KCNN2: variants seen among roughly 807,000 people sequenced by gnomAD.
KCNN2 encodes small conductance calcium-activated potassium channel protein 2.
In KCNN2, 24 loss-of-function variants were observed where a neutral mutation model predicts 55.5. That is an observed-to-expected ratio of 0.43 (90% CI 0.31 to 0.61). KCNN2 has a LOEUF of 0.61. Ranked by LOEUF, KCNN2 falls within the 20% of genes least tolerant of loss-of-function variation. The pLI is 0.08. For synonymous variants in KCNN2, 431 were observed against 336.1 expected, an observed-to-expected ratio of 1.28 and a Z score of -3.09; for missense variants, 754 against 853.6, an observed-to-expected ratio of 0.88 and a Z score of 1.45.
rs899487184 is a variant in KCNN2, at chr5:114,339,657, G to C, written c.-184-21288G>C. 3.9e-5 allele frequency among the ~76,000 whole-genome samples: 6 copies of C among 152,048 alleles called. No homozygotes were observed. The East Asian group carries it at 9.7e-4, about 25-fold the overall frequency. On this transcript the variant is annotated intron_variant, in intron 2 of 10. Transcript: ENST00000512097. ...ATCTCTACAAAAAATACAAAAATTA[G>C]CCAGGCATGGTGGTGTATGCCTATA...
chr5:114,394,400 G>A (rs191758174), intron 2 of KCNN2, among the ~76,000 whole-genome samples: 361 of 152,258 alleles, frequency 2.4e-3, no homozygotes, highest in Non-Finnish European at 3.3e-3. Context: ...TGTGATAGGT[G>A]TTGTGAACGT....
At chr5:114,281,286 T>G (rs1268732051) in intron 2 of KCNN2, among the ~76,000 whole-genome samples, 3 of 152,176 alleles carry the variant, frequency 2.0e-5, no homozygotes, top group African/African-American at 7.2e-5. Flanking sequence ...TGTCAGCATC[T>G]AAAACATGGG....
At chr5:114,218,029 A>G (rs1754042283) in intron 1 of KCNN2, among the ~76,000 whole-genome samples, 1 of 152,238 alleles carries the variant, frequency 6.6e-6, no homozygotes, top group Non-Finnish European at 1.5e-5. Flanking sequence ...AATGCAAATT[A>G]AAGCAACAAT....
At chr5:114,249,391 C>A in intron 2 of KCNN2, among the ~76,000 whole-genome samples, 1 of 151,316 alleles carries the variant, frequency 6.6e-6, no homozygotes, top group Non-Finnish European at 1.5e-5. Flanking sequence ...GGGTTCAAGC[C>A]ATCTCCTGCC....
At chr5:114,269,440 C>A (rs924204934) in intron 2 of KCNN2, among the ~76,000 whole-genome samples, 1 of 151,536 alleles carries the variant, frequency 6.6e-6, no homozygotes, top group Non-Finnish European at 1.5e-5. Context: ...GTTCTTAGCT[C>A]AAACTCTACT....
At chr5:114,472,724 C>G (rs1249052448) in intron 4 of KCNN2, among the ~76,000 whole-genome samples, 1 of 152,076 alleles carries the variant, frequency 6.6e-6, no homozygotes. Flanking sequence ...TTATTTGTTC[C>G]TATTATAATT....
At chr5:114,306,132 A>G (rs1162103148) in intron 2 of KCNN2, among the ~76,000 whole-genome samples, 1 of 152,206 alleles carries the variant, frequency 6.6e-6, no homozygotes. Flanking sequence ...TTGAACTGGT[A>G]TCTTTACTGC....
intron 2 of KCNN2, among the ~76,000 whole-genome samples, chr5:114,394,884 T>G (rs930535396): frequency 1.3e-5 from 2 of 152,208 alleles, no homozygotes; most frequent in East Asian, 3.9e-4. Context: ...GATTAACTTA[T>G]GTTTTAAAAT....
chr5:114,310,750 T>C (rs1756377597), intron 2 of KCNN2, among the ~76,000 whole-genome samples: 1 of 152,122 alleles, frequency 6.6e-6, no homozygotes, highest in Non-Finnish European at 1.5e-5. Flanking sequence ...AATTGCACTT[T>C]CCTGTGTATT....
Position 114,147,964 on chromosome 5 carries a change from G to C in KCNN2, c.-270-73516G>C, listed in dbSNP as rs150083837. Among the ~76,000 whole-genome samples, 23 of 152,192 alleles carry C rather than the reference G, an allele frequency of 1.5e-4. No homozygotes were observed. The East Asian group carries it at 3.1e-3, about 20-fold the overall frequency. On this transcript the variant is annotated intron_variant, in intron 1 of 10. Transcript: ENST00000512097. ...CATTGAATTAATTCATCTTTAGTAG[G>C]AGCAGCAATCAGTATATCATCCACA...
At chr5:114,281,199 G>A (rs922309927) in intron 2 of KCNN2, among the ~76,000 whole-genome samples, 1 of 152,084 alleles carries the variant, frequency 6.6e-6, no homozygotes, top group Non-Finnish European at 1.5e-5. Context: ...TTTGTTTGCT[G>A]TGTGTTTCTG....
At chr5:114,317,732 G>A (rs975799780) in intron 2 of KCNN2, among the ~76,000 whole-genome samples, 1 of 152,150 alleles carries the variant, frequency 6.6e-6, no homozygotes, top group African/African-American at 2.4e-5. Flanking sequence ...GAGAACTCAG[G>A]TGACAATTCA....
intron 1 of KCNN2, among the ~76,000 whole-genome samples, chr5:114,194,994 G>A (rs1268819431): frequency 5.3e-5 from 8 of 151,350 alleles, no homozygotes; most frequent in Non-Finnish European, 1.0e-4. Context: ...CAAAATTAAT[G>A]GACTATAGTG....
At chr5:114,108,353 A>G (rs906871192) in intron 1 of KCNN2, among the ~76,000 whole-genome samples, 2 of 152,114 alleles carry the variant, frequency 1.3e-5, no homozygotes, top group Non-Finnish European at 2.9e-5. Flanking sequence ...ATTTATATTT[A>G]TAAAATTGTT....
chr5:114,313,639 A>G (rs181419609), intron 2 of KCNN2, among the ~76,000 whole-genome samples: 108 of 152,254 alleles, frequency 7.1e-4, no homozygotes, highest in Non-Finnish European at 1.1e-3. Flanking sequence ...ATCCAAGGAG[A>G]TGTTCTGCCT....
intron 7 of KCNN2, among the ~76,000 whole-genome samples, chr5:114,494,900 A>C (rs1748038821): frequency 6.6e-6 from 1 of 152,130 alleles, no homozygotes; most frequent in South Asian, 2.1e-4. Context: ...ATTGTTAAGC[A>C]GAAGAAGAGC....
At chr5:114,200,070 G>T (rs1025159461) in intron 1 of KCNN2, among the ~76,000 whole-genome samples, 1 of 152,040 alleles carries the variant, frequency 6.6e-6, no homozygotes, top group Admixed American at 6.6e-5. Context: ...GATAGACAGG[G>T]AATTTTCATT....
intron 3 of KCNN2, 107 bp downstream of exon 3, chr5:114,404,963 T>A: frequency 9.7e-7 from 1 of 1,033,314 alleles, no homozygotes; most frequent in Non-Finnish European, 1.4e-6. Context: ...CTCTTAAAAA[T>A]TTTGGATTTT....
chr5:114,156,125 T>C (rs1752628486), intron 1 of KCNN2, among the ~76,000 whole-genome samples: 1 of 152,192 alleles, frequency 6.6e-6, no homozygotes, highest in Admixed American at 6.6e-5. Context: ...CCTAGCACCA[T>C]TTATTGAATA....
Sources: allele counts gnomAD v4.1 joint callset (sites outside exome capture counted in the v4.1 genomes callset), GRCh38; gene constraint gnomAD v4.1.1; transcripts MANE v1.5; gene names NCBI Gene and HGNC (gene_info 2026-07-23, HGNC 2026-07-21).